FAT1: variants seen among roughly 807,000 people sequenced by gnomAD.
FAT1 encodes the protein FAT atypical cadherin 1.
A neutral mutation model predicts 329.8 loss-of-function variants in FAT1; 171 were observed. That is an observed-to-expected ratio of 0.52 (90% confidence interval 0.46 to 0.59). The LOEUF (loss-of-function observed/expected upper bound fraction) is 0.59, where lower values mean the gene tolerates loss of function less well. Ranked by LOEUF, FAT1 falls within the 20% of genes least tolerant of loss-of-function variation. FAT1 has a pLI of 0.00. For synonymous variants in FAT1, 2,233 were observed against 2,228.6 expected (o/e 1.00, Z -0.06); for missense variants, 5,672 against 5,774.4 (o/e 0.98, Z 0.57).
chr4:186,720,199 A>G (rs1254383096), intron 1 of FAT1, among the ~76,000 whole-genome samples: 1 of 152,224 alleles, frequency 6.6e-6, no homozygotes, highest in African/African-American at 2.4e-5. Context: ...AAGATAATGC[A>G]AACATTACTA....
At chr4:186,672,825 T>G (rs1183032977) in intron 2 of FAT1, among the ~76,000 whole-genome samples, 1 of 152,110 alleles carries the variant, frequency 6.6e-6, no homozygotes, top group Non-Finnish European at 1.5e-5. Flanking sequence ...GGAGGGAAGA[T>G]TAAGGGGCAA....
chr4:186,667,884 G>A (rs987560483), intron 2 of FAT1, among the ~76,000 whole-genome samples: 3 of 152,160 alleles, frequency 2.0e-5, no homozygotes, highest in Non-Finnish European at 4.4e-5. Context: ...CTGACTCCAG[G>A]CCTCAGGGTC....
At chr4:186,641,571 C>T (rs10029735) in intron 3 of FAT1, among the ~76,000 whole-genome samples, 44,728 of 151,940 alleles carry the variant, frequency 0.29, 7,851 homozygotes, top group African/African-American at 0.49. Context: ...CCCAGGAAAA[C>T]AGTATTCTTC....
rs372725093 is a variant in FAT1, at chr4:186,620,073, C to G, written c.6513G>C (p.Pro2171=). The change falls in exon 10 of 27, where the codon CCG becomes CCC. Residue 2171 remains proline (P), a synonymous_variant. Coordinates refer to ENST00000441802, the MANE Select transcript of FAT1 (RefSeq NM_005245.4). ...GCATGGCTTTATTCATGACAGTGAT[C>G]GGAACGATAACTTCCGCTGAAAAGG... ...NPAFSAEVIV[P]ITVMNKAMPV... is the part of the protein sequence containing the mutation. The G allele has an allele frequency of 7.4e-5, 119 of 1,613,852 alleles. 1 individual carries two copies. Among genetic ancestry groups the G allele is most frequent in the Non-Finnish European group, 9.7e-5 (114 of 1,179,896 alleles).
chr4:186,709,702 G>A lies in FAT1; in HGVS notation c.126C>T (p.Thr42=), dbSNP rs375280644. The A allele has an allele frequency of 2.5e-5, 40 of 1,613,892 alleles. No individual in the cohort carries two copies. In the African/African-American group the frequency reaches 4.3e-4, roughly 17 times the overall value. Residue 42 remains threonine, a synonymous_variant, in exon 2 of 27, where the codon ACC becomes ACT. Transcript: ENST00000441802. ...TCTTAGCTGCAGAGTTCTCCTGCAC[G>A]GTGACGTTGTACTCGAGGTGTGTAA... ...LQFTHLEYNV[T]VQENSAAKTY...
rs1193959146 is a variant in FAT1, at chr4:186,621,321, C to A, written c.5265G>T (p.Leu1755Phe). 3.1e-6 allele frequency: 5 copies of A among 1,614,030 alleles called. No homozygotes were observed. Among genetic ancestry groups the A allele is most frequent in the African/African-American group, 1.3e-5 (1 of 75,058 alleles). The part of the protein sequence containing the change: ...LSTNTTVLVH[L>F]QDENDNAPVF... ...CTGGCGCGTTGTCATTCTCATCCTG[C>A]AAGTGAACTAGAACCGTTGTATTAG... Residue 1755 changes from leucine (L) to phenylalanine (F), a missense_variant, in exon 10 of 27, where the codon TTG becomes TTT. By Grantham distance (22) the Leu-to-Phe change is conservative. Around this residue, in one of 2 missense-constraint regions of FAT1, gnomAD observed 3,966 missense variants for 3,915.2 expected, o/e 1.01. Coordinates refer to ENST00000441802, the MANE Select transcript of FAT1 (RefSeq NM_005245.4).
At chr4:186,676,556 G>C (rs949048936) in intron 2 of FAT1, among the ~76,000 whole-genome samples, 1 of 152,162 alleles carries the variant, frequency 6.6e-6, no homozygotes, top group African/African-American at 2.4e-5. Flanking sequence ...ACTGCCTAAA[G>C]CTCTTGTACT....
In FAT1 at chr4:186,620,066, C is replaced by G. The variant is rs752969272; in HGVS notation, c.6520G>C (p.Val2174Leu). The G allele has an allele frequency of 6.2e-7, 1 of 1,614,022 alleles. No homozygotes were observed. The highest frequency in any genetic ancestry group is 8.5e-7 in the Non-Finnish European group (1 of 1,179,896). The change falls in exon 10 of 27, where the codon GTC becomes CTC. Residue 2174 changes from valine (V) to leucine (L), a missense_variant. By Grantham distance (32) the Val-to-Leu change is conservative (BLOSUM62 1). This residue lies in a region of FAT1 where 3,966 missense variants were observed against 3,915.2 expected (regional missense o/e 1.01). Transcript: ENST00000441802. Reference sequence around the variant, plus strand: ...AACACAGGCATGGCTTTATTCATGACAGTGATCGGAACGATAACTTCCGCT... The same window carrying G: ...AACACAGGCATGGCTTTATTCATGAGAGTGATCGGAACGATAACTTCCGCT... Reference protein sequence around the residue: ...FSAEVIVPITVMNKAMPVFEK... With the variant: ...FSAEVIVPITLMNKAMPVFEK...
intron 2 of FAT1, among the ~76,000 whole-genome samples, chr4:186,692,283 T>C (rs543832109): frequency 1.3e-5 from 2 of 151,880 alleles, no homozygotes; most frequent in East Asian, 3.9e-4. Context: ...AAATACTAAG[T>C]GGTATTAAAA....
At position 186,619,680 on chromosome 4, in the gene FAT1, A is replaced by C; in HGVS notation, c.6906T>G (p.Val2302=). The change falls in exon 10 of 27, where the codon GTT becomes GTG. Residue 2302 remains valine, a synonymous_variant. Transcript: ENST00000441802. ...CAGAATCGGTGGCTCTAACTTGAAC[A>C]ACAGACGTTCCAATTACAGATGCCT... ...LSEASVIGTS[V]VQVRATDSDS... 6.2e-7 allele frequency: 1 copy of C among 1,614,024 alleles called. No individual in the cohort carries two copies. Among genetic ancestry groups the C allele is most frequent in the Non-Finnish European group, 8.5e-7 (1 of 1,179,892 alleles).
At chr4:186,615,565 C>T (rs1739670940) in intron 11 of FAT1, among the ~76,000 whole-genome samples, 1 of 152,142 alleles carries the variant, frequency 6.6e-6, no homozygotes, top group South Asian at 2.1e-4. Context: ...CATCAGGCAT[C>T]CATCCACGTC....
chr4:186,664,470 T>C (rs1484198565), intron 2 of FAT1, among the ~76,000 whole-genome samples: 2 of 152,232 alleles, frequency 1.3e-5, no homozygotes, highest in African/African-American at 4.8e-5. Flanking sequence ...AGGGTTGGTA[T>C]AGAAAAGTCC....
At chr4:186,696,265 A>G (rs1744033802) in intron 2 of FAT1, among the ~76,000 whole-genome samples, 1 of 152,238 alleles carries the variant, frequency 6.6e-6, no homozygotes, top group African/African-American at 2.4e-5. Flanking sequence ...CTTCTAAATG[A>G]GCTTGCCACA....
intron 26 of FAT1, among the ~76,000 whole-genome samples, chr4:186,593,473 C>A (rs1485071079): frequency 6.6e-6 from 1 of 152,194 alleles, no homozygotes; most frequent in Admixed American, 6.5e-5. Flanking sequence ...TGTCACTATA[C>A]ATGGCAAAAG....
At chr4:186,683,742 TG>T (rs1743333476) in intron 2 of FAT1, among the ~76,000 whole-genome samples, 1 of 152,120 alleles carries the variant, frequency 6.6e-6, no homozygotes, top group Non-Finnish European at 1.5e-5. Context: ...CTTCTCCCTG[TG>T]GTCATGGACC....
At chr4:186,613,591 G>C (rs566803422) in intron 12 of FAT1, among the ~76,000 whole-genome samples, 29 of 152,264 alleles carry the variant, frequency 1.9e-4, no homozygotes, top group African/African-American at 6.3e-4. Context: ...TTGTGTATAA[G>C]ATTGCACAGG....
rs777211440 is a variant in FAT1, at chr4:186,707,040, G to C, written c.2788C>G (p.Pro930Ala). The C allele has an allele frequency of 6.2e-7, 1 of 1,613,952 alleles. No homozygotes were observed. The highest frequency in any genetic ancestry group is 8.5e-7 in the Non-Finnish European group (1 of 1,179,882). The change falls in exon 2 of 27, where the codon CCT becomes GCT. Residue 930 changes from proline (P) to alanine (A), a missense_variant. By Grantham distance (27) the Pro-to-Ala change is conservative. Around this residue, in one of 2 missense-constraint regions of FAT1, gnomAD observed 3,966 missense variants for 3,915.2 expected, o/e 1.01. Transcript: ENST00000441802. ...TCTCGGACTTTCACACGATAATTAGGTGGAATAAATGTAGGTGGGTTGTCA... is the reference window on the plus strand; with the variant it reads ...TCTCGGACTTTCACACGATAATTAGCTGGAATAAATGTAGGTGGGTTGTCA... The part of the protein sequence containing the change: ...VNDNPPTFIP[P>A]NYRVKVREDL...
Position 186,707,206 on chromosome 4 carries a change from C to T in FAT1, c.2622G>A (p.Thr874=), listed in dbSNP as rs139157199. The change falls in exon 2 of 27, where the codon ACG becomes ACA. Residue 874 remains threonine, a synonymous_variant. Coordinates refer to ENST00000441802, the MANE Select transcript of FAT1 (RefSeq NM_005245.4). ...GAGGGCGTGCGATGTTAACAACACC[C>T]GTCACGCTGTCAATTGAAAATGTGT... ...DTDTFSIDSV[T]GVVNIARPLD... 1.0e-4 allele frequency: 163 copies of T among 1,613,912 alleles called. No homozygotes were observed. The highest frequency in any genetic ancestry group is 3.5e-4 in the Admixed American group (21 of 60,012).
At position 186,710,769 on chromosome 4, in the gene FAT1, C is replaced by A. The variant is rs556938744; in HGVS notation, c.-18-924G>T. ...TGACACACACACACAAAAGCTAAAT[C>A]TTCTAAGCTAACACACGTCAAGGGT... On this transcript the variant is annotated intron_variant, in intron 1 of 26. Coordinates refer to ENST00000441802, the MANE Select transcript of FAT1 (RefSeq NM_005245.4). 6.6e-5 allele frequency among the ~76,000 whole-genome samples: 10 copies of A among 152,290 alleles called. No individual in the cohort carries two copies. The East Asian group carries it at 1.9e-3, about 29-fold the overall frequency.
Sources: allele counts gnomAD v4.1 joint callset (sites outside exome capture counted in the v4.1 genomes callset), GRCh38; gene constraint gnomAD v4.1.1; regional missense constraint gnomAD v4.1.1; transcripts MANE v1.5; gene names NCBI Gene and HGNC (gene_info 2026-07-23, HGNC 2026-07-21).